The following RABIF variants were observed in gnomAD, a reference collection of about 807,000 sequenced individuals.
RABIF encodes RAB interacting factor.
Under a neutral mutation model 12.3 loss-of-function variants are expected in RABIF, and 13 were observed. The observed-to-expected ratio is 1.06, with a 90% CI of 0.69 to 1.68. The LOEUF is 1.68. Ranked by LOEUF, RABIF falls within the 40% of genes most tolerant of loss-of-function variation. RABIF has a pLI of 0.00. For missense variants in RABIF, 153 were observed against 158.0 expected (o/e 0.97, Z 0.17); for synonymous variants, 70 against 63.3 (o/e 1.11, Z -0.50).
Position 202,881,218 on chromosome 1 carries a change from G to C in RABIF, c.132C>G (p.Phe44Leu). Residue 44 changes from phenylalanine (F) to leucine (L), a missense_variant, in exon 2 of 2, where the codon TTC (phenylalanine) becomes TTG (leucine). By Grantham distance (22) the Phe-to-Leu change is conservative (BLOSUM62 0). Coordinates refer to ENST00000367262, the MANE Select transcript of RABIF (RefSeq NM_002871.5). ...GTALFSRRQL[F>L]LPSMRKKPAL... ...CTGGCTTCTTTCTCATGGAGGGAAG[G>C]AAAAGCTGCAGTGGGAAAGAACATA... 1 of 1,611,678 alleles carries C rather than the reference G, an allele frequency of 6.2e-7. No individual in the cohort carries two copies. Among genetic ancestry groups the C allele is most frequent in the East Asian group, 2.2e-5 (1 of 44,842 alleles).
chr1:202,888,467 G>A (rs1272052158), intron 1 of RABIF, among the ~76,000 whole-genome samples: 1 of 152,202 alleles, frequency 6.6e-6, no homozygotes, highest in South Asian at 2.1e-4. Flanking sequence ...GGGATCCTCT[G>A]TGGAGCAGAT....
chr1:202,880,831 T>C lies in RABIF; in HGVS notation c.*147A>G. On this transcript the variant is annotated 3_prime_UTR_variant, in exon 2 of 2. Transcript: ENST00000367262. ...AGGCTTTAGGAAGCAGGATTAACCC[T>C]CTGCATGTTCAAATGGACATGCTGG... 2.0e-6 allele frequency: 3 copies of C among 1,466,698 alleles called. No individual in the cohort carries two copies. Among genetic ancestry groups the C allele is most frequent in the Non-Finnish European group, 2.7e-6 (3 of 1,112,356 alleles). 90.9% of individuals were successfully genotyped at this position (1,466,698 alleles called of 1,614,324 possible).
At position 202,888,834 on chromosome 1, in the gene RABIF, G is replaced by A. The variant is rs1659604911; in HGVS notation, c.126+139C>T. On this transcript the variant is annotated intron_variant, in intron 1 of 1. Coordinates refer to ENST00000367262, the MANE Select transcript of RABIF (RefSeq NM_002871.5). Reference sequence around the variant, plus strand: ...CCCAGGGGCGGAGCCTCGCCGAGCTGAGGCCCGAGGGGCGGGGCTTAAGGC... The same window carrying A: ...CCCAGGGGCGGAGCCTCGCCGAGCTAAGGCCCGAGGGGCGGGGCTTAAGGC... 22 of 1,221,642 alleles carry A rather than the reference G, an allele frequency of 1.8e-5. No homozygotes were observed. The South Asian group carries it at 3.8e-4, about 21-fold the overall frequency. The allele number at this position is 1,221,642 out of a possible 1,614,324, so 75.7% of individuals were successfully genotyped here.
At chr1:202,887,109 TTA>T (rs1329422269) in intron 1 of RABIF, among the ~76,000 whole-genome samples, 3 of 151,882 alleles carry the variant, frequency 2.0e-5, no homozygotes, top group Non-Finnish European at 4.4e-5. Context: ...GTCTCTTAAT[TTA>T]TGTCAGTTTA....
chr1:202,887,647 G>A (rs867510692), intron 1 of RABIF, among the ~76,000 whole-genome samples: 48 of 151,776 alleles, frequency 3.2e-4, no homozygotes, highest in Non-Finnish European at 4.4e-4. Flanking sequence ...ACAGGCTTGT[G>A]CCACCACCCC....
At chr1:202,888,880 G>A in intron 1 of RABIF, 93 bp downstream of exon 1, 2 of 1,417,092 alleles carry the variant, frequency 1.4e-6, no homozygotes, top group Non-Finnish European at 9.3e-7. Context: ...GGGCGCGGTT[G>A]CCGGAAATTG....
At position 202,889,114 on chromosome 1, in the gene RABIF, A is replaced by T. The variant is rs768106651; in HGVS notation, c.-16T>A. 18 of 1,599,060 alleles carry T rather than the reference A, an allele frequency of 1.1e-5. No homozygotes were observed. Among genetic ancestry groups the T allele is most frequent in the Non-Finnish European group, 1.5e-5 (18 of 1,172,678 alleles). Reference sequence around the variant, plus strand: ...CTGGTTCCATCGCCGCTGCCGCCACAGGCTCCTCAGCCACGGCTGCGCAGA... The same window carrying T: ...CTGGTTCCATCGCCGCTGCCGCCACTGGCTCCTCAGCCACGGCTGCGCAGA... On this transcript the variant is annotated 5_prime_UTR_variant, in exon 1 of 2. Transcript: ENST00000367262.
At chr1:202,883,413 G>C (rs1355430217) in intron 1 of RABIF, among the ~76,000 whole-genome samples, 4 of 152,166 alleles carry the variant, frequency 2.6e-5, no homozygotes, top group Non-Finnish European at 5.9e-5. Context: ...GCAACAAGTA[G>C]AGGCAAAGAG....
At chr1:202,882,792 T>C (rs1443300021) in intron 1 of RABIF, among the ~76,000 whole-genome samples, 2 of 152,172 alleles carry the variant, frequency 1.3e-5, no homozygotes, top group Non-Finnish European at 2.9e-5. Flanking sequence ...GCTTACTTTG[T>C]TCATTACTAG....
In RABIF at chr1:202,880,891, A is replaced by G; in HGVS notation, c.*87T>C. On this transcript the variant is annotated 3_prime_UTR_variant, in exon 2 of 2. Transcript: ENST00000367262. The stretch of plus-strand genomic sequence containing the variant: ...TTTATATTAGCACAGACAAGAAGGC[A>G]GCGGAACAGTTATACCACATTAAAG... The G allele has an allele frequency of 6.4e-7, 1 of 1,550,452 alleles. No individual in the cohort carries two copies. Among genetic ancestry groups the G allele is most frequent in the Non-Finnish European group, 8.7e-7 (1 of 1,148,168 alleles).
chr1:202,882,190 G>C (rs1659500601), intron 1 of RABIF, among the ~76,000 whole-genome samples: 1 of 152,098 alleles, frequency 6.6e-6, no homozygotes, highest in African/African-American at 2.4e-5. Context: ...GACCAGCCTA[G>C]GCAACATAGT....
intron 1 of RABIF, among the ~76,000 whole-genome samples, chr1:202,886,402 A>G (rs1369787131): frequency 6.6e-6 from 1 of 152,004 alleles, no homozygotes; most frequent in Admixed American, 6.5e-5. Context: ...CCTGGCCAAC[A>G]TGCTGAAACC....
chr1:202,887,029 G>GTT (rs760590068), intron 1 of RABIF, among the ~76,000 whole-genome samples: 22 of 26,212 alleles, frequency 8.4e-4, no homozygotes, highest in African/African-American at 1.7e-3. Flanking sequence ...GCTATGTTTT[G>GTT]TTTTTTTTTT....
At chr1:202,882,127 C>T (rs185746890) in intron 1 of RABIF, among the ~76,000 whole-genome samples, 1 of 152,162 alleles carries the variant, frequency 6.6e-6, no homozygotes, top group African/African-American at 2.4e-5. Flanking sequence ...CACCTGTAAT[C>T]CCAGCCCTTT....
In RABIF at chr1:202,880,581, C is replaced by T; in HGVS notation, c.*397G>A. The stretch of plus-strand genomic sequence containing the variant: ...TGAATGAGAAAAAGGCAGATTTCAA[C>T]TATTAGTACATAAGCATCTTTTGTT... On this transcript the variant is annotated 3_prime_UTR_variant, in exon 2 of 2. Transcript: ENST00000367262. The T allele has an allele frequency of 1.7e-6, 1 of 595,876 alleles. No homozygotes were observed. The highest frequency in any genetic ancestry group is 2.1e-6 in the Non-Finnish European group (1 of 471,926). The allele number at this position is 595,876 out of a possible 1,614,324, so 36.9% of individuals were successfully genotyped here.
chr1:202,881,287 G>A (rs749210617), intron 1 of RABIF, 64 bp from the exon 2 acceptor site: 73 of 1,545,222 alleles, frequency 4.7e-5, no homozygotes, highest in Non-Finnish European at 5.9e-5. Flanking sequence ...CAACACCCCC[G>A]TTCTAGGTAC....
At chr1:202,887,761 C>T (rs1659585709) in intron 1 of RABIF, among the ~76,000 whole-genome samples, 1 of 152,146 alleles carries the variant, frequency 6.6e-6, no homozygotes, top group African/African-American at 2.4e-5. Flanking sequence ...GCCTCGGCCT[C>T]CCAAAGTGCT....
chr1:202,881,444 T>C (rs943510856), intron 1 of RABIF, among the ~76,000 whole-genome samples: 6 of 151,986 alleles, frequency 3.9e-5, no homozygotes, highest in African/African-American at 1.2e-4. Flanking sequence ...CACTGTCGCC[T>C]AGGCTGGAGT....
rs1176332056 is a variant in RABIF at position 202,878,331 on chromosome 1, A to C, written c.*2647T>G. On this transcript the variant is annotated 3_prime_UTR_variant, in exon 2 of 2. Transcript: ENST00000367262. The stretch of plus-strand genomic sequence containing the variant: ...CTCTGAATCACCTCCAAGTTTGGCA[A>C]ATGCTCCCAGGAGAACGGTGGCCCT... 3.3e-5 allele frequency among the ~76,000 whole-genome samples: 5 copies of C among 152,160 alleles called. No individual in the cohort carries two copies. Among genetic ancestry groups the C allele is most frequent in the African/African-American group, 1.2e-4 (5 of 41,450 alleles).
Sources: gnomAD v4.1 joint callset for allele counts (sites outside exome capture counted in the v4.1 genomes callset) on GRCh38, gnomAD v4.1.1 for gene constraint, MANE v1.5 for transcripts, NCBI Gene and HGNC (gene_info 2026-07-23, HGNC 2026-07-21) for gene names.